Variants in CPED1 observed in about 807,000 individuals in gnomAD.
The protein encoded by CPED1 is cadherin-like and PC-esterase domain-containing protein 1.
In CPED1, 114 loss-of-function variants were observed where a neutral mutation model predicts 128.2. The observed-to-expected ratio is 0.89, with a 90% CI of 0.76 to 1.04. The LOEUF (loss-of-function observed/expected upper bound fraction) is 1.04. CPED1 is among the 50% of genes least tolerant of loss of function. CPED1 has a pLI of 0.00. For missense variants in CPED1, 1,211 were observed against 1,207.1 expected, an observed-to-expected ratio of 1.00 and a Z score of -0.05; for synonymous variants, 462 against 426.7, an observed-to-expected ratio of 1.08 and a Z score of -1.02.
intron 22 of CPED1, among the ~76,000 whole-genome samples, chr7:121,279,416 C>T (rs1792402353): frequency 6.6e-6 from 1 of 151,952 alleles, no homozygotes; most frequent in African/African-American, 2.4e-5. Flanking sequence ...AAGAAAAATA[C>T]TTTAAAGACA....
In CPED1 at chr7:120,992,073, T is replaced by A. The variant is rs150606740; in HGVS notation, c.249+2203T>A. On this transcript the variant is annotated intron_variant, in intron 2 of 22. Coordinates refer to ENST00000310396, the MANE Select transcript of CPED1 (RefSeq NM_024913.5). ...GAGTCAAATCATACTCCAATTTAAATTATTAGATACTCTTTCAGATGGCTA... is the reference window on the plus strand; with the variant it reads ...GAGTCAAATCATACTCCAATTTAAAATATTAGATACTCTTTCAGATGGCTA... Among the ~76,000 whole-genome samples the A allele has an allele frequency of 5.5e-3, 841 of 152,254 alleles. 9 individuals carry two copies. Among genetic ancestry groups the A allele is most frequent in the African/African-American group, 0.019 (789 of 41,564 alleles).
chr7:121,063,251 A>C (rs1407498254), intron 4 of CPED1, among the ~76,000 whole-genome samples: 1 of 152,162 alleles, frequency 6.6e-6, no homozygotes, highest in African/African-American at 2.4e-5. Context: ...TCATCAATGC[A>C]CAGTTGCCAA....
intron 5 of CPED1, among the ~76,000 whole-genome samples, chr7:121,079,797 T>C (rs569016194): frequency 1.3e-5 from 2 of 152,332 alleles, no homozygotes; most frequent in East Asian, 3.9e-4. Context: ...GTTTCTGGTG[T>C]TTGACTTCTA....
intron 16 of CPED1, among the ~76,000 whole-genome samples, chr7:121,143,987 G>GA (rs1795964522): frequency 6.6e-6 from 1 of 151,950 alleles, no homozygotes; most frequent in South Asian, 2.1e-4. Flanking sequence ...ACACAAATAT[G>GA]AAACAATCTT....
chr7:121,201,301 A>ACACACCT (rs1239772467), intron 16 of CPED1, among the ~76,000 whole-genome samples: 1 of 152,068 alleles, frequency 6.6e-6, no homozygotes, highest in Non-Finnish European at 1.5e-5. Flanking sequence ...GCTTGGTGGC[A>ACACACCT]CACACCTATA....
intron 5 of CPED1, among the ~76,000 whole-genome samples, chr7:121,088,386 G>A (rs1584503250): frequency 1.3e-5 from 2 of 151,994 alleles, no homozygotes; most frequent in Non-Finnish European, 2.9e-5. Flanking sequence ...GAGGCCGGGC[G>A]CAGTGGCTCA....
intron 16 of CPED1, among the ~76,000 whole-genome samples, chr7:121,231,586 C>T (rs912443483): frequency 2.6e-5 from 4 of 151,966 alleles, no homozygotes; most frequent in Non-Finnish European, 4.4e-5. Context: ...TGATTTTTGC[C>T]GGCGTCACTG....
Position 121,167,935 on chromosome 7 carries a change from G to A in CPED1, c.2055+25794G>A, listed in dbSNP as rs573607157. 2.7e-3 allele frequency among the ~76,000 whole-genome samples: 409 copies of A among 151,812 alleles called. 3 individuals carry two copies. Among genetic ancestry groups the A allele is most frequent in the Non-Finnish European group, 4.2e-3 (288 of 67,900 alleles). On this transcript the variant is annotated intron_variant, in intron 16 of 22. Transcript: ENST00000310396. Reference sequence around the variant, plus strand: ...TTTTTAGTAGAGATGGGGTTTCACCGTGTTAGCCAGGATGGTCTCGATCTC... The same window carrying A: ...TTTTTAGTAGAGATGGGGTTTCACCATGTTAGCCAGGATGGTCTCGATCTC...
At chr7:121,193,326 A>AAG (rs1260450531) in intron 16 of CPED1, among the ~76,000 whole-genome samples, 1 of 152,152 alleles carries the variant, frequency 6.6e-6, no homozygotes, top group Non-Finnish European at 1.5e-5. Context: ...ACATTTATTA[A>AAG]AGATACCAAG....
chr7:121,083,332 G>A (rs1160995301), intron 5 of CPED1, among the ~76,000 whole-genome samples: 3 of 152,102 alleles, frequency 2.0e-5, no homozygotes, highest in African/African-American at 7.2e-5. Context: ...GAATAATAGT[G>A]ACCCCCTCCC....
chr7:121,084,690 T>G (rs1794377720), intron 5 of CPED1, among the ~76,000 whole-genome samples: 1 of 152,256 alleles, frequency 6.6e-6, no homozygotes, highest in African/African-American at 2.4e-5. Context: ...TGAGTTTATA[T>G]GCAAAACCAC....
At chr7:121,094,713 C>T (rs1044504481) in intron 5 of CPED1, among the ~76,000 whole-genome samples, 26 of 152,152 alleles carry the variant, frequency 1.7e-4, no homozygotes, top group African/African-American at 4.6e-4. Flanking sequence ...AGAACCAAAA[C>T]GAAAGCCCAG....
intron 2 of CPED1, among the ~76,000 whole-genome samples, chr7:120,990,502 T>G (rs1432735238): frequency 6.6e-6 from 1 of 152,066 alleles, no homozygotes; most frequent in Non-Finnish European, 1.5e-5. Context: ...CTTACTAATC[T>G]TACTTGTCAA....
At chr7:121,225,071 A>G (rs1797971289) in intron 16 of CPED1, among the ~76,000 whole-genome samples, 1 of 152,052 alleles carries the variant, frequency 6.6e-6, no homozygotes, top group African/African-American at 2.4e-5. Context: ...CATAGCATCG[A>G]TGGTCTTTAC....
At chr7:121,058,192 G>A (rs1793551815) in intron 4 of CPED1, among the ~76,000 whole-genome samples, 1 of 152,094 alleles carries the variant, frequency 6.6e-6, no homozygotes, top group African/African-American at 2.4e-5. Flanking sequence ...TAAGGACTGC[G>A]GGCTTTTACT....
intron 7 of CPED1, among the ~76,000 whole-genome samples, chr7:121,119,582 T>A (rs987782988): frequency 4.0e-5 from 6 of 150,812 alleles, no homozygotes; most frequent in Admixed American, 4.0e-4. Context: ...TCCCAGCACT[T>A]TGGGAGGCCG....
chr7:121,084,709 C>A (rs1372052334), intron 5 of CPED1, among the ~76,000 whole-genome samples: 1 of 152,216 alleles, frequency 6.6e-6, no homozygotes, highest in Non-Finnish European at 1.5e-5. Context: ...ACATCAAGCT[C>A]TAGGTTCAAA....
intron 16 of CPED1, among the ~76,000 whole-genome samples, chr7:121,181,778 AAAC>A (rs1187827947): frequency 6.6e-6 from 1 of 152,146 alleles, no homozygotes; most frequent in Non-Finnish European, 1.5e-5. Context: ...AAGAAAAATA[AAAC>A]AACACAGAGT....
chr7:121,021,111 AT>A (rs1466014904), intron 3 of CPED1, among the ~76,000 whole-genome samples: 1 of 151,942 alleles, frequency 6.6e-6, no homozygotes, highest in Non-Finnish European at 1.5e-5. Flanking sequence ...GGAGAGTAGT[AT>A]TTAAATGATG....
Sources: allele counts gnomAD v4.1 joint callset (sites outside exome capture counted in the v4.1 genomes callset), GRCh38; gene constraint gnomAD v4.1.1; transcripts MANE v1.5; gene names NCBI Gene and HGNC (gene_info 2026-07-23, HGNC 2026-07-21).